The following PLCL1 variants were observed in gnomAD, a reference collection of about 807,000 sequenced individuals.
PLCL1 encodes the protein phospholipase C like 1 (inactive).
PLCL1 carries 41 observed loss-of-function variants against 84.4 expected under a neutral mutation model. That is an observed-to-expected ratio of 0.49 (90% CI 0.38 to 0.63). The LOEUF (loss-of-function observed/expected upper bound fraction) is 0.63. Ranked by LOEUF, PLCL1 falls within the 30% of genes least tolerant of loss-of-function variation. The probability of loss-of-function intolerance (pLI) is 0.00; values close to 1 mark genes in which losing one functional copy is unlikely to be tolerated. For synonymous variants in PLCL1, 490 were observed against 488.3 expected, an observed-to-expected ratio of 1.00 and a Z score of -0.05; for missense variants, 1,206 against 1,367.8, an observed-to-expected ratio of 0.88 and a Z score of 1.87.
Position 198,002,900 on chromosome 2 carries a change from AT to A in PLCL1, c.241-80855del, listed in dbSNP as rs1469883416. Among the ~76,000 whole-genome samples the A allele has an allele frequency of 2.0e-5, 3 of 152,242 alleles. No individual in the cohort carries two copies. In the East Asian group the frequency reaches 5.8e-4, roughly 29 times the overall value. On this transcript the variant is annotated intron_variant, in intron 1 of 5. Coordinates refer to ENST00000428675, the MANE Select transcript of PLCL1 (RefSeq NM_006226.4). ...TCTTCTACCATGCACTTTGTTAAAC[AT>A]TTGGTCATCATCCTGCTTAAGGGAA...
intron 1 of PLCL1, among the ~76,000 whole-genome samples, chr2:197,895,546 ATAC>A (rs1269977577): frequency 6.6e-6 from 1 of 151,994 alleles, no homozygotes; most frequent in Non-Finnish European, 1.5e-5. Flanking sequence ...ATATAAGTAT[ATAC>A]TACTATCATT....
intron 1 of PLCL1, among the ~76,000 whole-genome samples, chr2:197,915,440 A>G (rs1688576961): frequency 6.6e-6 from 1 of 152,000 alleles, no homozygotes; most frequent in Non-Finnish European, 1.5e-5. Context: ...GAGTCAGAAG[A>G]CACTCTTTCC....
Position 198,086,076 on chromosome 2 carries a change from A to G in PLCL1, c.2559A>G (p.Gly853=). 6.2e-7 allele frequency: 1 copy of G among 1,614,090 alleles called. No homozygotes were observed. The highest frequency in any genetic ancestry group is 8.5e-7 in the Non-Finnish European group (1 of 1,179,980). ...TAGCAATAACTAATCGAAGTGGAGG[A>G]GGAAAGGCACAGAAGCGCAGTCTTT... is the stretch of plus-strand genomic sequence containing the variant. ...VHIAITNRSG[G]GKAQKRSLSV... Residue 853 remains glycine (G), a synonymous_variant, in exon 2 of 6, where the codon GGA becomes GGG. Coordinates refer to ENST00000428675, the MANE Select transcript of PLCL1 (RefSeq NM_006226.4).
At chr2:197,954,070 C>T (rs185731982) in intron 1 of PLCL1, among the ~76,000 whole-genome samples, 2 of 152,192 alleles carry the variant, frequency 1.3e-5, no homozygotes, top group East Asian at 3.9e-4. Context: ...CTACATAATA[C>T]TGGGACTGAC....
At chr2:197,874,434 GTTTT>G (rs1384426451) in intron 1 of PLCL1, among the ~76,000 whole-genome samples, 1 of 151,988 alleles carries the variant, frequency 6.6e-6, no homozygotes, top group East Asian at 1.9e-4. Context: ...GTTAAAATTT[GTTTT>G]TTATAATGAA....
At chr2:197,846,379 A>T (rs1687120829) in intron 1 of PLCL1, among the ~76,000 whole-genome samples, 1 of 152,160 alleles carries the variant, frequency 6.6e-6, no homozygotes, top group Admixed American at 6.5e-5. Flanking sequence ...TATAGAGAAC[A>T]ACTAGCCAAA....
chr2:198,065,012 A>G (rs1407650510), intron 1 of PLCL1, among the ~76,000 whole-genome samples: 1 of 152,208 alleles, frequency 6.6e-6, no homozygotes, highest in Non-Finnish European at 1.5e-5. Flanking sequence ...GTAGTCTTCA[A>G]GAACATAGAC....
intron 1 of PLCL1, among the ~76,000 whole-genome samples, chr2:198,048,683 G>A (rs1691861035): frequency 6.6e-6 from 1 of 152,152 alleles, no homozygotes; most frequent in African/African-American, 2.4e-5. Context: ...CCATGGGGAG[G>A]ACACCAGGCC....
chr2:198,036,777 C>CA (rs1691559229), intron 1 of PLCL1, among the ~76,000 whole-genome samples: 1 of 152,166 alleles, frequency 6.6e-6, no homozygotes, highest in African/African-American at 2.4e-5. Context: ...CTGCTACACA[C>CA]AGAGACCATT....
chr2:197,863,214 A>G (rs2105695816), intron 1 of PLCL1, among the ~76,000 whole-genome samples: 1 of 151,562 alleles, frequency 6.6e-6, no homozygotes, highest in Non-Finnish European at 1.5e-5. Flanking sequence ...ATTTAGCAAT[A>G]ATAATGTTCT....
At chr2:197,873,584 C>G (rs1574924704) in intron 1 of PLCL1, among the ~76,000 whole-genome samples, 1 of 152,258 alleles carries the variant, frequency 6.6e-6, no homozygotes, top group Non-Finnish European at 1.5e-5. Flanking sequence ...TAACAGAACC[C>G]TTATTTGTGG....
Position 198,088,998 on chromosome 2 carries a change from T to C in PLCL1, c.2856T>C (p.Pro952=), listed in dbSNP as rs1220584969. ...SVSLVMKDSF[P]YLEPLGAIPD... ...CACTTGTGATGAAAGACAGCTTTCC[T>C]TACCTGGAGCCTCTGGGTGCAATTC... The change falls in exon 3 of 6, where the codon CCT becomes CCC. Residue 952 remains proline, a synonymous_variant. Transcript: ENST00000428675. 2 of 1,614,042 alleles carry C rather than the reference T, an allele frequency of 1.2e-6. No individual in the cohort carries two copies. Among genetic ancestry groups the C allele is most frequent in the South Asian group, 2.2e-5 (2 of 91,086 alleles).
chr2:197,835,846 AT>A (rs914649547), intron 1 of PLCL1, among the ~76,000 whole-genome samples: 1 of 152,032 alleles, frequency 6.6e-6, no homozygotes, highest in Non-Finnish European at 1.5e-5. Flanking sequence ...ATATTAACTC[AT>A]TTTTTTCAGT....
chr2:198,091,091 A>G (rs1374480053), intron 3 of PLCL1, among the ~76,000 whole-genome samples: 1 of 152,228 alleles, frequency 6.6e-6, no homozygotes, highest in Non-Finnish European at 1.5e-5. Flanking sequence ...ACAGTTCTCT[A>G]TGGAAAACCA....
chr2:197,951,558 G>A (rs1051426415), intron 1 of PLCL1, among the ~76,000 whole-genome samples: 2 of 152,268 alleles, frequency 1.3e-5, no homozygotes, highest in East Asian at 1.9e-4. Flanking sequence ...CCGGTCTGCA[G>A]TGAGAAGGTC....
rs1694541173 is a variant in PLCL1, at chr2:198,147,128, A to T, written c.*166A>T. 5.3e-6 allele frequency: 3 copies of T among 562,672 alleles called. No individual in the cohort carries two copies. In the South Asian group the frequency reaches 8.7e-5, roughly 16 times the overall value. 34.9% of individuals were successfully genotyped at this position (562,672 alleles called of 1,614,324 possible). A position where few individuals can be genotyped will look rare whatever the true frequency, so the allele number is the denominator to read the frequency against. On this transcript the variant is annotated 3_prime_UTR_variant, in exon 6 of 6. Transcript: ENST00000428675. ...GTATTTCAGTGTAGTTAATTTATCT[A>T]AATTAAAGCCTTTAGTATCAGTGTT...
intron 1 of PLCL1, among the ~76,000 whole-genome samples, chr2:197,957,244 G>A (rs1689513378): frequency 6.6e-6 from 1 of 151,944 alleles, no homozygotes; most frequent in Admixed American, 6.6e-5. Context: ...GTTCCTTTGT[G>A]TTATAATTAT....
chr2:197,915,234 C>T (rs907802997), intron 1 of PLCL1, among the ~76,000 whole-genome samples: 8 of 152,142 alleles, frequency 5.3e-5, no homozygotes, highest in African/African-American at 1.7e-4. Context: ...TAATGATTAA[C>T]CTGATTAAAG....
At chr2:198,071,098 GCACACACACA>G (rs56759346) in intron 1 of PLCL1, 28,690 of 147,712 alleles carry the variant, frequency 0.19, 2,833 homozygotes, top group East Asian at 0.26. Flanking sequence ...TTTTAAGTAT[GCACACACACA>G]CACACACACA....
Sources: gnomAD v4.1 joint callset for allele counts (sites outside exome capture counted in the v4.1 genomes callset) on GRCh38, gnomAD v4.1.1 for gene constraint, MANE v1.5 for transcripts, NCBI Gene and HGNC (gene_info 2026-07-23, HGNC 2026-07-21) for gene names.